Variants in SCARA5 observed in about 807,000 individuals in gnomAD.
SCARA5 encodes the protein scavenger receptor class A member 5.
Under a neutral mutation model 46.3 loss-of-function variants are expected in SCARA5, and 45 were observed. The observed-to-expected ratio is 0.97, with a 90% CI of 0.76 to 1.24. The LOEUF is 1.24. Ranked by LOEUF, SCARA5 falls within the 50% of genes most tolerant of loss-of-function variation. The pLI, the probability that SCARA5 is intolerant of heterozygous loss-of-function variation, is 0.00. For missense variants in SCARA5, 680 were observed against 689.0 expected (o/e 0.99, Z 0.15); for synonymous variants, 333 against 306.5 (o/e 1.09, Z -0.90).
intron 7 of SCARA5, among the ~76,000 whole-genome samples, chr8:27,902,656 T>C (rs547402226): frequency 3.9e-5 from 6 of 152,146 alleles, no homozygotes; most frequent in Admixed American, 3.9e-4. Context: ...AGTTGTTTAT[T>C]TCTCAGAACT....
chr8:27,956,527 A>G (rs181300019), intron 3 of SCARA5, among the ~76,000 whole-genome samples: 31 of 152,336 alleles, frequency 2.0e-4, no homozygotes, highest in Admixed American at 1.9e-3. Flanking sequence ...AATTTTCATC[A>G]TACTGATGAT....
intron 4 of SCARA5, among the ~76,000 whole-genome samples, chr8:27,911,521 G>A (rs754923699): frequency 3.3e-5 from 5 of 152,096 alleles, no homozygotes; most frequent in South Asian, 2.1e-4. Context: ...GTGAAATCCC[G>A]TCTCTACTAA....
chr8:27,907,229 C>T lies in SCARA5; in HGVS notation c.1015G>A (p.Gly339Ser). ...PGLRGLPGER[G>S]TPGLPGPKGD... ...TTGGGCCCGGGCAATCCTGGGGTAC[C>T]TCTCTCCCCGGGCAGACCTGGGGAG... is the stretch of plus-strand genomic sequence containing the variant. Residue 339 changes from glycine to serine, a missense_variant, in exon 6 of 9, where the codon GGT (glycine) becomes AGT (serine). Gly to Ser is a moderately conservative substitution (Grantham distance 56). Transcript: ENST00000354914. The T allele has an allele frequency of 1.2e-6, 2 of 1,613,372 alleles. No homozygotes were observed. The highest frequency in any genetic ancestry group is 1.7e-6 in the Non-Finnish European group (2 of 1,179,596).
At chr8:27,903,048 A>G (rs1435138159) in intron 7 of SCARA5, among the ~76,000 whole-genome samples, 1 of 152,134 alleles carries the variant, frequency 6.6e-6, no homozygotes, top group Non-Finnish European at 1.5e-5. Context: ...ATCATGCCTC[A>G]GGGAGGGGAG....
At position 27,907,155 on chromosome 8, in the gene SCARA5, C is replaced by A. The variant is rs766840930; in HGVS notation, c.1089G>T (p.Gly363=). 7 of 1,612,318 alleles carry A rather than the reference C, an allele frequency of 4.3e-6. No individual in the cohort carries two copies. Among genetic ancestry groups the A allele is most frequent in the African/African-American group, 1.3e-5 (1 of 74,828 alleles). Residue 363 remains glycine (G), a synonymous_variant, in exon 6 of 9, where the codon GGG becomes GGT. Coordinates refer to ENST00000354914, the MANE Select transcript of SCARA5 (RefSeq NM_173833.6). ...AACTGAGATTGTTATTACCTTTGAACCCACGCATGCCCATTGGTCCTGTGG... is the reference window on the plus strand; with the variant it reads ...AACTGAGATTGTTATTACCTTTGAAACCACGCATGCCCATTGGTCCTGTGG... ...LGATGPMGMR[G]FKGDRGPKGE... is the part of the protein sequence containing the mutation.
chr8:27,892,452 C>T (rs1806999466), intron 7 of SCARA5, among the ~76,000 whole-genome samples: 1 of 152,114 alleles, frequency 6.6e-6, no homozygotes, highest in South Asian at 2.1e-4. Context: ...TCTGTGGGTC[C>T]TGGGGAAATT....
chr8:27,961,739 A>T (rs1808297826), intron 3 of SCARA5, among the ~76,000 whole-genome samples: 1 of 152,210 alleles, frequency 6.6e-6, no homozygotes. Context: ...TAAATGCTGT[A>T]ATGTCAATGC....
At chr8:27,889,262 T>C (rs951683860) in intron 7 of SCARA5, among the ~76,000 whole-genome samples, 9 of 152,248 alleles carry the variant, frequency 5.9e-5, no homozygotes, top group African/African-American at 1.9e-4. Flanking sequence ...ACAACTTCCA[T>C]TAGCTTAGTT....
In SCARA5 at chr8:27,945,143, G is replaced by C. The variant is rs530913019; in HGVS notation, c.241+21271C>G. On this transcript the variant is annotated intron_variant, in intron 3 of 8. Coordinates refer to ENST00000354914, the MANE Select transcript of SCARA5 (RefSeq NM_173833.6). Reference sequence around the variant, plus strand: ...TTGTGCCCACTGCACTCCAGCCTGGGTGATGGGAATGAGACTGTAAAAAAA... The same window carrying C: ...TTGTGCCCACTGCACTCCAGCCTGGCTGATGGGAATGAGACTGTAAAAAAA... Among the ~76,000 whole-genome samples, 184 of 151,990 alleles carry C rather than the reference G, an allele frequency of 1.2e-3. 1 individual carries two copies. The highest frequency in any genetic ancestry group is 2.2e-3 in the Non-Finnish European group (147 of 67,980).
chr8:27,951,902 T>C (rs990487335), intron 3 of SCARA5, among the ~76,000 whole-genome samples: 8 of 152,200 alleles, frequency 5.3e-5, no homozygotes, highest in Admixed American at 5.2e-4. Context: ...CCAGGTGACA[T>C]GCTCTCTTAG....
At chr8:27,891,222 A>T (rs1485985611) in intron 7 of SCARA5, among the ~76,000 whole-genome samples, 6 of 148,360 alleles carry the variant, frequency 4.0e-5, no homozygotes, top group African/African-American at 1.3e-4. Flanking sequence ...TTTTTTTTTT[A>T]AATGGAGGAG....
At chr8:27,942,391 G>A (rs554081098) in intron 3 of SCARA5, among the ~76,000 whole-genome samples, 23 of 152,196 alleles carry the variant, frequency 1.5e-4, no homozygotes, top group African/African-American at 3.9e-4. Flanking sequence ...GATCCAGAAC[G>A]CTGTTCTCTC....
chr8:27,959,357 T>C (rs1808258658), intron 3 of SCARA5, among the ~76,000 whole-genome samples: 1 of 152,260 alleles, frequency 6.6e-6, no homozygotes, highest in South Asian at 2.1e-4. Flanking sequence ...TTCTGTTGAC[T>C]ACTCACACCT....
chr8:27,879,294 C>G (rs1806771523), intron 8 of SCARA5, among the ~76,000 whole-genome samples: 1 of 152,030 alleles, frequency 6.6e-6, no homozygotes, highest in Non-Finnish European at 1.5e-5. Context: ...AGCAGCTGTG[C>G]CTGGGACACA....
At chr8:27,879,513 C>T in intron 8 of SCARA5, 56 bp downstream of exon 8, 1 of 1,532,582 alleles carries the variant, frequency 6.5e-7, no homozygotes, top group East Asian at 2.3e-5. Flanking sequence ...GAGGTGAGCC[C>T]AGTCCTAGGA....
At chr8:27,929,845 T>C (rs1807741297) in intron 3 of SCARA5, among the ~76,000 whole-genome samples, 1 of 152,324 alleles carries the variant, frequency 6.6e-6, no homozygotes, top group East Asian at 1.9e-4. Flanking sequence ...AGAATTGTTA[T>C]GCCCATTTTC....
At chr8:27,926,034 A>G (rs987630863) in intron 3 of SCARA5, among the ~76,000 whole-genome samples, 4 of 152,222 alleles carry the variant, frequency 2.6e-5, no homozygotes. Context: ...CGTGGAAGAC[A>G]GTGTGGCTAT....
rs566402041 is a variant in SCARA5 at position 27,902,867 on chromosome 8, T to C, written c.1153+1911A>G. On this transcript the variant is annotated intron_variant, in intron 7 of 8. Coordinates refer to ENST00000354914, the MANE Select transcript of SCARA5 (RefSeq NM_173833.6). ...AGCCCTGGAAAGGGACTCTAGAGAA[T>C]GCTAGAAGTACTGTGAAGCTCGCAG... Among the ~76,000 whole-genome samples the C allele has an allele frequency of 2.0e-5, 3 of 152,232 alleles. No individual in the cohort carries two copies. In the East Asian group the frequency reaches 5.8e-4, roughly 29 times the overall value.
intron 3 of SCARA5, among the ~76,000 whole-genome samples, chr8:27,951,761 AGAG>A (rs532458847): frequency 2.0e-5 from 3 of 152,228 alleles, no homozygotes; most frequent in Non-Finnish European, 4.4e-5. Flanking sequence ...AGGCTGGAGA[AGAG>A]GAGGTCCGGA....
Sources: allele counts gnomAD v4.1 joint callset (sites outside exome capture counted in the v4.1 genomes callset), GRCh38; gene constraint gnomAD v4.1.1; transcripts MANE v1.5; gene names NCBI Gene and HGNC (gene_info 2026-07-23, HGNC 2026-07-21).